The following MPPED1 variants were observed in gnomAD, a reference collection of about 807,000 sequenced individuals.
MPPED1 encodes the protein metallophosphoesterase domain-containing protein 1.
Under a neutral mutation model 36.2 loss-of-function variants are expected in MPPED1, and 16 were observed. The ratio of observed to expected loss-of-function variants is 0.44; its 90% CI spans 0.30 to 0.67. The LOEUF (loss-of-function observed/expected upper bound fraction) is 0.67. Among genes scored for constraint, MPPED1 ranks in the 30% least tolerant of loss-of-function variants. MPPED1 has a pLI of 0.10. For missense variants in MPPED1, 307 were observed against 453.4 expected (o/e 0.68, Z 2.93); for synonymous variants, 199 against 191.3 (o/e 1.04, Z -0.33).
At chr22:43,483,143 G>C (rs529493228) in intron 4 of MPPED1, among the ~76,000 whole-genome samples, 1 of 152,242 alleles carries the variant, frequency 6.6e-6, no homozygotes, top group African/African-American at 2.4e-5. Flanking sequence ...CCCACCTGGT[G>C]TGCACAGTGA....
intron 1 of MPPED1, among the ~76,000 whole-genome samples, chr22:43,422,142 AG>A (rs1479456054): frequency 6.6e-6 from 1 of 152,184 alleles, no homozygotes; most frequent in Non-Finnish European, 1.5e-5. Context: ...GCTGAGAGGA[AG>A]GGTGTCAGCT....
chr22:43,450,955 A>G (rs1338289197), intron 3 of MPPED1, among the ~76,000 whole-genome samples: 1 of 150,890 alleles, frequency 6.6e-6, no homozygotes, highest in African/African-American at 2.4e-5. Context: ...CGAACTCCCA[A>G]CCTCAGGTGA....
chr22:43,412,359 G>A (rs1928932084), intron 1 of MPPED1, among the ~76,000 whole-genome samples: 1 of 151,984 alleles, frequency 6.6e-6, no homozygotes, highest in Non-Finnish European at 1.5e-5. Context: ...GCGGCGGCGG[G>A]AGGGGGCTCC....
At chr22:43,503,432 G>C (rs563989073) in intron 6 of MPPED1, among the ~76,000 whole-genome samples, 1 of 152,184 alleles carries the variant, frequency 6.6e-6, no homozygotes, top group Non-Finnish European at 1.5e-5. Flanking sequence ...TGGCTGCTGT[G>C]GGATGTCTGG....
intron 4 of MPPED1, among the ~76,000 whole-genome samples, chr22:43,485,142 A>G (rs1931871216): frequency 6.6e-6 from 1 of 152,106 alleles, no homozygotes; most frequent in Admixed American, 6.5e-5. Flanking sequence ...ACACACAGAA[A>G]CATTCACATA....
intron 4 of MPPED1, among the ~76,000 whole-genome samples, chr22:43,483,081 G>A (rs563724795): frequency 4.6e-5 from 7 of 152,374 alleles, no homozygotes; most frequent in East Asian, 3.9e-4. Flanking sequence ...TCTTGTGTGA[G>A]GTCCTGTGGG....
chr22:43,501,861 G>T (rs1003113757), intron 5 of MPPED1, among the ~76,000 whole-genome samples: 3 of 151,154 alleles, frequency 2.0e-5, no homozygotes, highest in Non-Finnish European at 2.9e-5. Context: ...CTCTATCTCT[G>T]TCTGTGTCTT....
At chr22:43,456,000 A>G (rs1389516015) in intron 3 of MPPED1, among the ~76,000 whole-genome samples, 3 of 152,134 alleles carry the variant, frequency 2.0e-5, no homozygotes, top group Non-Finnish European at 4.4e-5. Context: ...GAAACAGGGA[A>G]TCCTTCCTTG....
chr22:43,422,488 G>A (rs1929308522), intron 1 of MPPED1, among the ~76,000 whole-genome samples: 1 of 152,132 alleles, frequency 6.6e-6, no homozygotes, highest in Non-Finnish European at 1.5e-5. Flanking sequence ...AGGGTCTTAT[G>A]GTCAAGGGAT....
chr22:43,495,794 G>A (rs1356183262), intron 4 of MPPED1, among the ~76,000 whole-genome samples: 2 of 47,278 alleles, frequency 4.2e-5, no homozygotes, highest in African/African-American at 2.2e-4. Flanking sequence ...GGTGGAGGTG[G>A]TGATGGAGGT....
chr22:43,465,593 G>A (rs572655082), intron 3 of MPPED1, among the ~76,000 whole-genome samples: 1 of 152,322 alleles, frequency 6.6e-6, no homozygotes, highest in East Asian at 1.9e-4. Context: ...GGTTGGTTTG[G>A]TTGTCAGGGC....
chr22:43,484,213 C>T (rs1219944665), intron 4 of MPPED1, among the ~76,000 whole-genome samples: 1 of 152,222 alleles, frequency 6.6e-6, no homozygotes, highest in Non-Finnish European at 1.5e-5. Flanking sequence ...GCTTCATACT[C>T]GAGACCCGCA....
intron 3 of MPPED1, among the ~76,000 whole-genome samples, chr22:43,454,449 C>T (rs1930684235): frequency 6.6e-6 from 1 of 150,910 alleles, no homozygotes; most frequent in African/African-American, 2.4e-5. Flanking sequence ...GGACTATAGG[C>T]ATGTGCCACC....
intron 3 of MPPED1, among the ~76,000 whole-genome samples, chr22:43,444,279 G>GGGGGGTGT (rs1234228311): frequency 4.9e-5 from 7 of 141,934 alleles, no homozygotes; most frequent in East Asian, 2.0e-4. Context: ...GACCCACTGG[G>GGGGGGTGT]GTGTGTGTGT....
chr22:43,439,996 C>T (rs1040514662), intron 3 of MPPED1, among the ~76,000 whole-genome samples: 16 of 152,224 alleles, frequency 1.1e-4, no homozygotes, highest in South Asian at 6.2e-4. Context: ...TCTCGCCTTG[C>T]GGCGGGGGCG....
At chr22:43,464,291 C>CTG (rs60119589) in intron 3 of MPPED1, among the ~76,000 whole-genome samples, 37,505 of 143,424 alleles carry the variant, frequency 0.26, 5,054 homozygotes, top group Non-Finnish European at 0.31. Flanking sequence ...TTGGTCAGCT[C>CTG]TGTGTGTGTG....
At chr22:43,485,054 C>T (rs1931867884) in intron 4 of MPPED1, among the ~76,000 whole-genome samples, 2 of 152,080 alleles carry the variant, frequency 1.3e-5, no homozygotes, top group East Asian at 1.9e-4. Flanking sequence ...CATACACACA[C>T]ATTCATGTAC....
At position 43,506,466 on chromosome 22, in the gene MPPED1, T is replaced by C. The variant is rs1269314460; in HGVS notation, c.*850T>C. On this transcript the variant is annotated 3_prime_UTR_variant, in exon 7 of 7. Transcript: ENST00000443721. ...CAGGCCTGCCATGGGTGTGAACCCA[T>C]GTCCAGGCACGCACCGACACACATG... is the stretch of plus-strand genomic sequence containing the variant. 2 of 152,346 alleles carry C rather than the reference T, an allele frequency of 1.3e-5. No homozygotes were observed. Among genetic ancestry groups the C allele is most frequent in the Admixed American group, 6.5e-5 (1 of 15,288 alleles). The allele number at this position is 152,346 out of a possible 1,614,324, so 9.4% of individuals were successfully genotyped here.
At position 43,428,947 on chromosome 22, in the gene MPPED1, C is replaced by A. The variant is rs1929579230; in HGVS notation, c.224+3738C>A. ...GTTGGGGGACAGGGTTATCCTGGAG[C>A]TCTCACTGAAGTCCCCAGGGCCATG... is the stretch of plus-strand genomic sequence containing the variant. On this transcript the variant is annotated intron_variant, in intron 2 of 6. Transcript: ENST00000443721. 2.6e-5 allele frequency among the ~76,000 whole-genome samples: 4 copies of A among 152,166 alleles called. No individual in the cohort carries two copies. In the South Asian group the frequency reaches 8.3e-4, roughly 32 times the overall value.
Sources: allele counts gnomAD v4.1 joint callset (sites outside exome capture counted in the v4.1 genomes callset), GRCh38; gene constraint gnomAD v4.1.1; transcripts MANE v1.5; gene names NCBI Gene and HGNC (gene_info 2026-07-23, HGNC 2026-07-21).